Variants in PARD3 observed in about 807,000 individuals in gnomAD.
PARD3 encodes par-3 family cell polarity regulator, also known as partitioning defective 3 homolog.
PARD3 carries 75 observed loss-of-function variants against 155.4 expected under a neutral mutation model. That is an observed-to-expected ratio of 0.48 (90% CI 0.40 to 0.58). The LOEUF (loss-of-function observed/expected upper bound fraction) is 0.58, where lower values mean the gene tolerates loss of function less well. Ranked by LOEUF, PARD3 falls within the 20% of genes least tolerant of loss-of-function variation. The pLI, the probability that PARD3 is intolerant of heterozygous loss-of-function variation, is 0.00. For synonymous variants in PARD3, 576 were observed against 610.5 expected (o/e 0.94, Z 0.83); for missense variants, 1,642 against 1,721.7 (o/e 0.95, Z 0.82).
intron 9 of PARD3, among the ~76,000 whole-genome samples, chr10:34,381,912 C>CAAAAAAAAAAAAAAAAAAA (rs202053812): frequency 9.3e-4 from 67 of 71,848 alleles, no homozygotes; most frequent in Non-Finnish European, 1.2e-3. Context: ...GGCCCTGTCT[C>CAAAAAAAAAAAAAAAAAAA]AAAAAAAAAA....
chr10:34,696,012 T>C (rs762387247), intron 2 of PARD3, among the ~76,000 whole-genome samples: 3 of 152,332 alleles, frequency 2.0e-5, no homozygotes, highest in Non-Finnish European at 2.9e-5. Context: ...AAAGATGTTA[T>C]GTTTGGTTAA....
At chr10:34,691,646 C>G (rs926741642) in intron 2 of PARD3, among the ~76,000 whole-genome samples, 5 of 152,134 alleles carry the variant, frequency 3.3e-5, no homozygotes, top group Non-Finnish European at 7.4e-5. Context: ...CAATCCTAAG[C>G]AAAAAGAACA....
intron 21 of PARD3, among the ~76,000 whole-genome samples, chr10:34,276,534 G>C (rs1269976822): frequency 6.6e-6 from 1 of 152,138 alleles, no homozygotes; most frequent in Non-Finnish European, 1.5e-5. Flanking sequence ...CTATTCATTA[G>C]TATTTTTGCT....
intron 5 of PARD3, among the ~76,000 whole-genome samples, chr10:34,431,992 A>C (rs138698368): frequency 0.16 from 21,762 of 133,930 alleles, 3,862 homozygotes; most frequent in African/African-American, 0.45. Context: ...CAGTGAGCCG[A>C]GATCACGCCA....
chr10:34,459,923 G>A (rs771546789), intron 4 of PARD3, among the ~76,000 whole-genome samples: 2 of 152,156 alleles, frequency 1.3e-5, no homozygotes, highest in African/African-American at 4.8e-5. Context: ...CCTAGGTACA[G>A]TCTACCTTAG....
intron 5 of PARD3, among the ~76,000 whole-genome samples, chr10:34,448,782 G>A (rs2076894811): frequency 6.6e-6 from 1 of 151,920 alleles, no homozygotes; most frequent in African/African-American, 2.4e-5. Context: ...TCCAGCCTGG[G>A]TGACAGAGCA....
intron 22 of PARD3, among the ~76,000 whole-genome samples, chr10:34,173,167 A>G (rs1410784021): frequency 6.6e-6 from 1 of 152,226 alleles, no homozygotes; most frequent in East Asian, 1.9e-4. Flanking sequence ...CTGTGCGGGT[A>G]TCGGCTGTGT....
intron 20 of PARD3, among the ~76,000 whole-genome samples, chr10:34,303,068 TTA>T (rs376996985): frequency 0.24 from 11,330 of 47,388 alleles, 505 homozygotes; most frequent in Non-Finnish European, 0.26. Context: ...AAACCAAGTT[TTA>T]AAAAAAAAAA....
intron 22 of PARD3, among the ~76,000 whole-genome samples, chr10:34,259,489 C>G (rs545969922): frequency 6.6e-6 from 1 of 152,320 alleles, no homozygotes; most frequent in Admixed American, 6.5e-5. Flanking sequence ...TCCTTCCTGA[C>G]TCTGCCCCTT....
chr10:34,451,409 T>A (rs2077048958), intron 4 of PARD3, among the ~76,000 whole-genome samples: 1 of 152,100 alleles, frequency 6.6e-6, no homozygotes, highest in Non-Finnish European at 1.5e-5. Context: ...CTGTTAAGAG[T>A]AATCTGGCTA....
At chr10:34,479,927 T>C (rs2078965040) in intron 3 of PARD3, among the ~76,000 whole-genome samples, 1 of 152,202 alleles carries the variant, frequency 6.6e-6, no homozygotes. Flanking sequence ...ACAAAGGGTA[T>C]AGTGCCCTCT....
intron 22 of PARD3, among the ~76,000 whole-genome samples, chr10:34,251,140 A>G (rs185745632): frequency 6.6e-6 from 1 of 152,376 alleles, no homozygotes; most frequent in East Asian, 1.9e-4. Flanking sequence ...TGCCCATTTT[A>G]GCAGCAGTAT....
At chr10:34,435,152 C>T (rs1382181042) in intron 5 of PARD3, among the ~76,000 whole-genome samples, 1 of 152,018 alleles carries the variant, frequency 6.6e-6, no homozygotes, top group East Asian at 1.9e-4. Flanking sequence ...TATATGTGTG[C>T]ATAGCTGTTT....
intron 20 of PARD3, among the ~76,000 whole-genome samples, chr10:34,286,299 A>G (rs899080100): frequency 1.3e-5 from 2 of 152,260 alleles, no homozygotes; most frequent in African/African-American, 4.8e-5. Context: ...TATAAACAGT[A>G]AACAGAGCAC....
chr10:34,252,208 C>A (rs1226988555), intron 22 of PARD3, among the ~76,000 whole-genome samples: 2 of 152,082 alleles, frequency 1.3e-5, no homozygotes, highest in Non-Finnish European at 2.9e-5. Context: ...GCCTGCCTGC[C>A]CCCAGCTGCT....
chr10:34,458,093 T>C (rs535123357), intron 4 of PARD3, among the ~76,000 whole-genome samples: 6 of 152,234 alleles, frequency 3.9e-5, no homozygotes, highest in South Asian at 2.1e-4. Context: ...ATAGAGATGG[T>C]TGGTTCACTA....
intron 1 of PARD3, among the ~76,000 whole-genome samples, chr10:34,796,219 T>C (rs1003887649): frequency 6.6e-6 from 1 of 152,114 alleles, no homozygotes; most frequent in Non-Finnish European, 1.5e-5. Flanking sequence ...TCTAGTTAGT[T>C]ACCCCCACCA....
intron 16 of PARD3, among the ~76,000 whole-genome samples, chr10:34,339,911 G>T (rs1386925263): frequency 6.6e-6 from 1 of 152,186 alleles, no homozygotes; most frequent in Non-Finnish European, 1.5e-5. Context: ...TTTAAAGAAT[G>T]TAACCATATC....
chr10:34,153,396 C>T (rs1176314583), intron 22 of PARD3, among the ~76,000 whole-genome samples: 1 of 152,184 alleles, frequency 6.6e-6, no homozygotes, highest in African/African-American at 2.4e-5. Flanking sequence ...AGTGCAGAGA[C>T]ACACACACGT....
Sources: gnomAD v4.1 joint callset for allele counts (sites outside exome capture counted in the v4.1 genomes callset) on GRCh38, gnomAD v4.1.1 for gene constraint, MANE v1.5 for transcripts, NCBI Gene and HGNC (gene_info 2026-07-23, HGNC 2026-07-21) for gene names.